The following FSTL5 variants were observed in gnomAD, a reference collection of about 807,000 sequenced individuals.
FSTL5 encodes follistatin-related protein 5.
Under a neutral mutation model 89.1 loss-of-function variants are expected in FSTL5, and 62 were observed. That is an observed-to-expected ratio of 0.70 (90% CI 0.57 to 0.86). The LOEUF is 0.86. FSTL5 is among the 40% of genes least tolerant of loss of function. The pLI, the probability that FSTL5 is intolerant of heterozygous loss-of-function variation, is 0.00. For synonymous variants in FSTL5, 383 were observed against 346.2 expected (o/e 1.11, Z -1.18); for missense variants, 1,057 against 1,001.6 (o/e 1.06, Z -0.75).
chr4:161,757,365 T>G (rs12505064), intron 6 of FSTL5, among the ~76,000 whole-genome samples: 3 of 148,266 alleles, frequency 2.0e-5, no homozygotes, highest in Admixed American at 2.0e-4. Flanking sequence ...TACCGACATA[T>G]GCACACACAC....
chr4:161,407,176 T>C (rs1466785971), intron 15 of FSTL5, among the ~76,000 whole-genome samples: 3 of 152,206 alleles, frequency 2.0e-5, no homozygotes, highest in Admixed American at 2.0e-4. Flanking sequence ...TTGTACACTT[T>C]AAAATTTTTG....
chr4:161,455,763 GTTCT>G (rs1733332106), intron 14 of FSTL5, among the ~76,000 whole-genome samples: 1 of 151,998 alleles, frequency 6.6e-6, no homozygotes, highest in South Asian at 2.1e-4. Flanking sequence ...AATCCTGTTA[GTTCT>G]TTCTTCAGAT....
intron 14 of FSTL5, among the ~76,000 whole-genome samples, chr4:161,456,451 A>T (rs1010976867): frequency 1.3e-5 from 2 of 152,220 alleles, no homozygotes; most frequent in Non-Finnish European, 2.9e-5. Flanking sequence ...AGACGTATGG[A>T]TAAAATTATA....
intron 13 of FSTL5, among the ~76,000 whole-genome samples, chr4:161,478,364 A>T (rs1332241774): frequency 1.3e-5 from 2 of 152,118 alleles, no homozygotes; most frequent in Non-Finnish European, 2.9e-5. Flanking sequence ...ATAATATTTT[A>T]ATCAACCAAT....
rs774324832 is a variant in FSTL5 at position 161,481,111 on chromosome 4, G to A, written c.1517C>T (p.Ala506Val). 3.7e-6 allele frequency: 6 copies of A among 1,612,776 alleles called. No individual in the cohort carries two copies. The African/African-American group carries it at 8.0e-5, about 22-fold the overall frequency. ...DEVQRCVWASAVNVKDKFIYV... is the reference protein window; with the variant it reads ...DEVQRCVWASVVNVKDKFIYV... Reference sequence around the variant, plus strand: ...AATGAACTTGTCTTTGACATTAACAGCTGATGCCCACACACACCTCTGAAC... The same window carrying A: ...AATGAACTTGTCTTTGACATTAACAACTGATGCCCACACACACCTCTGAAC... The change falls in exon 13 of 16, where the codon GCT becomes GTT. Residue 506 changes from alanine to valine, a missense_variant. Physicochemically the swap from Ala to Val is moderately conservative, Grantham distance 64. Around this residue, in one of 3 missense-constraint regions of FSTL5, gnomAD observed 980 missense variants for 903.2 expected, o/e 1.08. Transcript: ENST00000306100.
intron 10 of FSTL5, among the ~76,000 whole-genome samples, chr4:161,531,580 A>T (rs1213025822): frequency 6.6e-6 from 1 of 152,202 alleles, no homozygotes; most frequent in African/African-American, 2.4e-5. Flanking sequence ...AATTGACTCA[A>T]TGTAAAGGCG....
intron 4 of FSTL5, among the ~76,000 whole-genome samples, chr4:161,878,355 G>A (rs1489531353): frequency 1.3e-5 from 2 of 152,028 alleles, no homozygotes; most frequent in Non-Finnish European, 2.9e-5. Context: ...ATGGTTTGAC[G>A]ATTTGAGAAG....
intron 15 of FSTL5, among the ~76,000 whole-genome samples, chr4:161,413,816 C>T (rs1401540385): frequency 6.6e-6 from 1 of 152,142 alleles, no homozygotes; most frequent in Non-Finnish European, 1.5e-5. Context: ...ACAAATTAAT[C>T]CAGAAACAGA....
chr4:162,162,397 G>T (rs543529644), intron 1 of FSTL5, among the ~76,000 whole-genome samples: 1 of 152,012 alleles, frequency 6.6e-6, no homozygotes, highest in South Asian at 2.1e-4. Context: ...ATTAATATTG[G>T]ACATCTACTT....
chr4:161,741,936 G>A (rs1346260235), intron 6 of FSTL5, among the ~76,000 whole-genome samples: 3 of 152,042 alleles, frequency 2.0e-5, no homozygotes, highest in South Asian at 4.2e-4. Flanking sequence ...TCCATTAAAC[G>A]CAGCCTAGAG....
chr4:162,131,365 A>G (rs1732295378), intron 1 of FSTL5, among the ~76,000 whole-genome samples: 1 of 152,198 alleles, frequency 6.6e-6, no homozygotes, highest in South Asian at 2.1e-4. Flanking sequence ...ACATGGTGAC[A>G]AACTATGGAT....
chr4:161,878,494 C>T (rs1732520300), intron 4 of FSTL5, among the ~76,000 whole-genome samples: 1 of 151,976 alleles, frequency 6.6e-6, no homozygotes, highest in Non-Finnish European at 1.5e-5. Flanking sequence ...GACCTACTGA[C>T]TTTGATAAAC....
intron 10 of FSTL5, among the ~76,000 whole-genome samples, chr4:161,519,412 G>C (rs986803908): frequency 1.3e-5 from 2 of 151,996 alleles, no homozygotes; most frequent in African/African-American, 4.8e-5. Flanking sequence ...TGTAGTCCCC[G>C]CTACTCGGGG....
chr4:161,562,403 CAATTTGGGGAGTATTGCCATCTT>C (rs1732637294), intron 8 of FSTL5, among the ~76,000 whole-genome samples: 1 of 151,872 alleles, frequency 6.6e-6, no homozygotes, highest in African/African-American at 2.4e-5. Flanking sequence ...ATCTGCCCAT[CAATTTGGGGAGTATTGCCATCTT>C]AATAAAATTA....
chr4:161,583,763 T>G (rs892371578), intron 8 of FSTL5, among the ~76,000 whole-genome samples: 1 of 152,180 alleles, frequency 6.6e-6, no homozygotes, highest in South Asian at 2.1e-4. Flanking sequence ...AGAAACATTT[T>G]TTTTAGAAAC....
chr4:162,031,353 TG>T (rs1180266185), intron 3 of FSTL5, among the ~76,000 whole-genome samples: 1 of 152,222 alleles, frequency 6.6e-6, no homozygotes, highest in Non-Finnish European at 1.5e-5. Flanking sequence ...TAATATCAAA[TG>T]AGGACATAGC....
chr4:161,834,080 A>T (rs150100253), intron 4 of FSTL5, among the ~76,000 whole-genome samples: 4,858 of 152,304 alleles, frequency 0.032, 153 homozygotes, highest in East Asian at 0.14. Flanking sequence ...AGAATCCAAC[A>T]GCACATCAAA....
intron 8 of FSTL5, among the ~76,000 whole-genome samples, chr4:161,572,190 G>A (rs1383924706): frequency 6.6e-6 from 1 of 151,700 alleles, no homozygotes; most frequent in Non-Finnish European, 1.5e-5. Flanking sequence ...ATGTTGACAG[G>A]CACCTGTAAT....
intron 2 of FSTL5, chr4:162,043,290 A>G (rs541748772): frequency 2.6e-4 from 40 of 152,332 alleles, no homozygotes; most frequent in Admixed American, 2.5e-3. Context: ...GACCACTGCC[A>G]TGAAGTCAAT....
Sources: allele counts gnomAD v4.1 joint callset (sites outside exome capture counted in the v4.1 genomes callset), GRCh38; gene constraint gnomAD v4.1.1; regional missense constraint gnomAD v4.1.1; transcripts MANE v1.5; gene names NCBI Gene and HGNC (gene_info 2026-07-23, HGNC 2026-07-21).